LAMA3: variants seen among roughly 807,000 people sequenced by gnomAD.
LAMA3 encodes the protein laminin subunit alpha-3.
LAMA3 carries 281 observed loss-of-function variants against 402.0 expected under a neutral mutation model. The observed-to-expected ratio is 0.70, with a 90% CI of 0.63 to 0.77. The LOEUF is 0.77. Among genes scored for constraint, LAMA3 ranks in the 30% least tolerant of loss-of-function variants. The pLI is 0.00. For synonymous variants in LAMA3, 1,431 were observed against 1,558.4 expected, an observed-to-expected ratio of 0.92 and a Z score of 1.93; for missense variants, 3,840 against 4,215.5, an observed-to-expected ratio of 0.91 and a Z score of 2.47.
In LAMA3 at chr18:23,928,115, G is replaced by A. The variant is rs368970292; in HGVS notation, c.8178-8G>A. The A allele has an allele frequency of 3.2e-5, 51 of 1,586,180 alleles. No individual in the cohort carries two copies. Among genetic ancestry groups the A allele is most frequent in the South Asian group, 2.3e-4 (21 of 90,510 alleles). On this transcript the variant is annotated splice_polypyrimidine_tract_variant and splice_region_variant and intron_variant, in intron 62 of 74. Coordinates refer to ENST00000313654, the MANE Select transcript of LAMA3 (RefSeq NM_198129.4). Reference sequence around the variant, plus strand: ...CCATCTCTTCCTTTTATCTGTGTTCGTAATCAGATTTAACATTTCTACGCC... The same window carrying A: ...CCATCTCTTCCTTTTATCTGTGTTCATAATCAGATTTAACATTTCTACGCC...
At chr18:23,916,026 A>G (rs1413693914) in intron 59 of LAMA3, among the ~76,000 whole-genome samples, 27 of 138,058 alleles carry the variant, frequency 2.0e-4, no homozygotes, top group South Asian at 8.9e-4. Flanking sequence ...AAAAAAAAAA[A>G]AAAAAGAAAA....
At chr18:23,698,875 C>T (rs1222168933) in intron 1 of LAMA3, among the ~76,000 whole-genome samples, 2 of 152,034 alleles carry the variant, frequency 1.3e-5, no homozygotes, top group African/African-American at 4.8e-5. Context: ...AGACTGTAGC[C>T]GTTGAGTAAA....
chr18:23,785,050 C>A (rs906220640), intron 12 of LAMA3, among the ~76,000 whole-genome samples: 1 of 152,168 alleles, frequency 6.6e-6, no homozygotes, highest in African/African-American at 2.4e-5. Context: ...GGGTTTTAAG[C>A]CCAGACTGCT....
intron 12 of LAMA3, among the ~76,000 whole-genome samples, chr18:23,788,942 CCATA>C (rs1223483164): frequency 3.3e-5 from 5 of 150,674 alleles, no homozygotes; most frequent in Non-Finnish European, 7.4e-5. Flanking sequence ...ATAAAATAAT[CCATA>C]TATATGGATA....
At chr18:23,939,435 C>T (rs779088318) in intron 68 of LAMA3, 49 bp downstream of exon 68, 5 of 1,577,996 alleles carry the variant, frequency 3.2e-6, no homozygotes, top group Non-Finnish European at 4.4e-6. Context: ...CCTGACTCTG[C>T]GATTCCACCT....
chr18:23,762,272 C>T (rs546616006), intron 7 of LAMA3, among the ~76,000 whole-genome samples: 6 of 151,894 alleles, frequency 4.0e-5, no homozygotes, highest in Non-Finnish European at 7.4e-5. Context: ...GAAGATGCTG[C>T]GGCACAAAAT....
Position 23,713,904 on chromosome 18 carries a change from A to C in LAMA3, c.295-16A>C, listed in dbSNP as rs573946106. On this transcript the variant is annotated splice_polypyrimidine_tract_variant and intron_variant, in intron 1 of 74. Transcript: ENST00000313654. ...AAAAAACAAAAAACAAAAAAAACCC[A>C]CTTTTTTTTTTTCAGGGCCAGTTCT... 2.5e-6 allele frequency: 4 copies of C among 1,595,102 alleles called. No homozygotes were observed. The highest frequency in any genetic ancestry group is 2.6e-6 in the Non-Finnish European group (3 of 1,170,768).
intron 2 of LAMA3, among the ~76,000 whole-genome samples, chr18:23,724,531 A>C (rs532642310): frequency 6.6e-6 from 1 of 152,314 alleles, no homozygotes; most frequent in African/African-American, 2.4e-5. Context: ...GTTTTGTCTC[A>C]GAATGAGGCT....
chr18:23,871,289 C>A, intron 37 of LAMA3, 142 bp from the exon 38 acceptor site: 2 of 725,018 alleles, frequency 2.8e-6, no homozygotes, highest in Non-Finnish European at 4.9e-6. Flanking sequence ...CTCCAGGAGG[C>A]AGGTATTTCC....
chr18:23,715,780 G>A (rs2061087410), intron 2 of LAMA3, among the ~76,000 whole-genome samples: 1 of 151,962 alleles, frequency 6.6e-6, no homozygotes, highest in African/African-American at 2.4e-5. Flanking sequence ...TCTTTTTGCT[G>A]GGAACAGTTA....
At chr18:23,731,390 C>T (rs1472150216) in intron 2 of LAMA3, among the ~76,000 whole-genome samples, 1 of 152,184 alleles carries the variant, frequency 6.6e-6, no homozygotes, top group Non-Finnish European at 1.5e-5. Flanking sequence ...CATTTTTTCT[C>T]TTCTTGTTAA....
Position 23,909,078 on chromosome 18 carries a change from T to C in LAMA3, c.7016-75T>C, listed in dbSNP as rs1342371007. 11 of 1,410,572 alleles carry C rather than the reference T, an allele frequency of 7.8e-6. No individual in the cohort carries two copies. The Admixed American group carries it at 1.8e-4, about 24-fold the overall frequency. 87.4% of individuals were successfully genotyped at this position (1,410,572 alleles called of 1,614,324 possible). ...ACCAAACATGCCACTTGACAAATAC[T>C]GTCAGTAAGAACATTTGTAGTTAGC... On this transcript the variant is annotated intron_variant, in intron 54 of 74. Transcript: ENST00000313654.
At chr18:23,901,419 C>G (rs2081068614) in intron 48 of LAMA3, 96 bp downstream of exon 48, 1 of 999,762 alleles carries the variant, frequency 1.0e-6, no homozygotes, top group Non-Finnish European at 1.6e-6. Flanking sequence ...AGGCACCTGT[C>G]TGTACATCTC....
chr18:23,921,398 A>T (rs552936707), intron 61 of LAMA3, 54 bp from the exon 62 acceptor site: 2 of 1,591,404 alleles, frequency 1.3e-6, no homozygotes, highest in East Asian at 4.5e-5. Context: ...AACCCCTGTG[A>T]ATAGGATTCT....
At chr18:23,754,373 T>C (rs556644550) in intron 6 of LAMA3, among the ~76,000 whole-genome samples, 8 of 152,358 alleles carry the variant, frequency 5.3e-5, no homozygotes, top group African/African-American at 1.7e-4. Flanking sequence ...ATGACTATCC[T>C]AGGTACCTCA....
intron 11 of LAMA3, among the ~76,000 whole-genome samples, chr18:23,779,056 G>C (rs2062382277): frequency 6.6e-6 from 1 of 152,192 alleles, no homozygotes; most frequent in Non-Finnish European, 1.5e-5. Flanking sequence ...CTGGGCCAAG[G>C]GTGTTCAGTG....
Position 23,725,860 on chromosome 18 carries a change from T to C in LAMA3, c.447+11788T>C, listed in dbSNP as rs375406992. The stretch of plus-strand genomic sequence containing the variant: ...GCTGTTGCACTTCTCTCTTTAATTC[T>C]TAAACCACAAATGCAAACATTCTAT... On this transcript the variant is annotated intron_variant, in intron 2 of 74. Coordinates refer to ENST00000313654, the MANE Select transcript of LAMA3 (RefSeq NM_198129.4). Among the ~76,000 whole-genome samples, 124 of 152,398 alleles carry C rather than the reference T, an allele frequency of 8.1e-4. 3 individuals carry two copies. In the South Asian group the frequency reaches 0.025, roughly 31 times the overall value.
At chr18:23,809,809 G>A (rs904268424) in intron 12 of LAMA3, among the ~76,000 whole-genome samples, 1 of 152,112 alleles carries the variant, frequency 6.6e-6, no homozygotes, top group Non-Finnish European at 1.5e-5. Context: ...TGAGAAAAGA[G>A]GTATAAAGAG....
intron 12 of LAMA3, 78 bp downstream of exon 12, chr18:23,784,235 G>A: frequency 6.4e-7 from 1 of 1,560,104 alleles, no homozygotes; most frequent in Non-Finnish European, 8.8e-7. Context: ...AGATCTTTCT[G>A]GCAGAGCTGT....
Sources: allele counts gnomAD v4.1 joint callset (sites outside exome capture counted in the v4.1 genomes callset), GRCh38; gene constraint gnomAD v4.1.1; transcripts MANE v1.5; gene names NCBI Gene and HGNC (gene_info 2026-07-23, HGNC 2026-07-21).